Variants in GABPB1 observed in about 807,000 individuals in gnomAD.
GABPB1 encodes GA binding protein transcription factor subunit beta 1, also known as GA-binding protein subunit beta-1.
In GABPB1, 15 loss-of-function variants were observed where a neutral mutation model predicts 45.9. The ratio of observed to expected loss-of-function variants is 0.33; its 90% confidence interval spans 0.22 to 0.50. GABPB1 has a LOEUF of 0.50. GABPB1 is among the 20% of genes least tolerant of loss of function. The probability of loss-of-function intolerance (pLI) is 0.98; values close to 1 mark genes in which losing one functional copy is unlikely to be tolerated. For missense variants in GABPB1, 252 were observed against 457.5 expected, an observed-to-expected ratio of 0.55 and a Z score of 4.10; for synonymous variants, 143 against 154.4, an observed-to-expected ratio of 0.93 and a Z score of 0.55.
intron 1 of GABPB1, among the ~76,000 whole-genome samples, chr15:50,323,171 G>A (rs868606109): frequency 3.3e-5 from 5 of 152,222 alleles, no homozygotes; most frequent in African/African-American, 1.2e-4. Context: ...AGGAGTTTGA[G>A]ACTGTACTGC....
intron 1 of GABPB1, among the ~76,000 whole-genome samples, chr15:50,313,209 TA>T (rs1330478247): frequency 1.3e-5 from 2 of 152,146 alleles, no homozygotes; most frequent in Non-Finnish European, 2.9e-5. Context: ...CATCAATAGT[TA>T]AAAGACAGGA....
chr15:50,310,670 G>A (rs765613157), intron 1 of GABPB1, among the ~76,000 whole-genome samples: 20 of 152,152 alleles, frequency 1.3e-4, no homozygotes, highest in Non-Finnish European at 2.1e-4. Flanking sequence ...ATAGTATTAC[G>A]AATAGACTGT....
chr15:50,280,280 G>C (rs35033384), intron 8 of GABPB1, among the ~76,000 whole-genome samples: 1 of 151,994 alleles, frequency 6.6e-6, no homozygotes, highest in Non-Finnish European at 1.5e-5. Context: ...GAACAAGTCA[G>C]AAAAGACAAC....
Position 50,276,502 on chromosome 15 carries a change from A to G in GABPB1, c.*2130T>C, listed in dbSNP as rs886200328. The G allele has an allele frequency of 6.6e-6, 1 of 152,248 alleles. No individual in the cohort carries two copies. Among genetic ancestry groups the G allele is most frequent in the African/African-American group, 2.4e-5 (1 of 41,480 alleles). 9.4% of individuals were successfully genotyped at this position (152,248 alleles called of 1,614,324 possible). ...ATACCTGAGTACCTGATGCTATCATAGACTTACTCCTTTTAAGCACCAATT... is the reference window on the plus strand; with the variant it reads ...ATACCTGAGTACCTGATGCTATCATGGACTTACTCCTTTTAAGCACCAATT... On this transcript the variant is annotated 3_prime_UTR_variant, in exon 9 of 9. Coordinates refer to ENST00000380877, the MANE Select transcript of GABPB1 (RefSeq NM_016654.5).
chr15:50,338,811 C>A (rs546769225), intron 1 of GABPB1, among the ~76,000 whole-genome samples: 1 of 152,186 alleles, frequency 6.6e-6, no homozygotes, highest in African/African-American at 2.4e-5. Context: ...CTATCTACCA[C>A]GATCACTTCC....
chr15:50,320,467 C>T (rs990645785), intron 1 of GABPB1, among the ~76,000 whole-genome samples: 1 of 152,220 alleles, frequency 6.6e-6, no homozygotes, highest in African/African-American at 2.4e-5. Context: ...CACTCAAAGG[C>T]AATCCTCTTG....
intron 1 of GABPB1, among the ~76,000 whole-genome samples, chr15:50,338,135 G>A (rs2048212809): frequency 6.6e-6 from 1 of 152,156 alleles, no homozygotes; most frequent in Admixed American, 6.5e-5. Flanking sequence ...TGCCTCCCAG[G>A]TTCAAGTGAT....
rs149818713 is a variant in GABPB1, at chr15:50,276,152, C to G, written c.*2480G>C. ...AACAATTAACCAGTGATGTGGCAAC[C>G]AGATGACTGCTAACTACAAATCCAT... On this transcript the variant is annotated 3_prime_UTR_variant, in exon 9 of 9. Transcript: ENST00000380877. 2.6e-5 allele frequency: 4 copies of G among 152,304 alleles called. No individual in the cohort carries two copies. Among genetic ancestry groups the G allele is most frequent in the African/African-American group, 9.6e-5 (4 of 41,570 alleles). The allele number at this position is 152,304 out of a possible 1,614,324, so 9.4% of individuals were successfully genotyped here. A position where few individuals can be genotyped will look rare whatever the true frequency, so the allele number is the denominator to read the frequency against.
chr15:50,309,928 T>G (rs2141050040), intron 1 of GABPB1, 130 bp from the exon 2 acceptor site: 1 of 538,790 alleles, frequency 1.9e-6, no homozygotes, highest in Non-Finnish European at 3.3e-6. Context: ...CTATGGTTAA[T>G]TTAAAATTAC....
rs2047067699 is a variant in GABPB1 at position 50,309,761 on chromosome 15, G to A, written c.38C>T (p.Ala13Val). The change falls in exon 2 of 9, where the codon GCG becomes GTG. Residue 13 changes from alanine to valine, a missense_variant. Physicochemically the swap from Ala to Val is moderately conservative, Grantham distance 64. Around this residue, in one of 4 missense-constraint regions of GABPB1, gnomAD observed 35 missense variants for 143.7 expected, o/e 0.24. Coordinates refer to ENST00000380877, the MANE Select transcript of GABPB1 (RefSeq NM_016654.5). ...LVDLGKKLLEAARAGQDDEVR... is the reference protein window; with the variant it reads ...LVDLGKKLLEVARAGQDDEVR... ...TTCATCATCTTGACCTGCTCGTGCC[G>A]CTTCTAAAAGCTTCTTTCCCAAATC... 5.0e-6 allele frequency: 8 copies of A among 1,612,972 alleles called. No homozygotes were observed. Among genetic ancestry groups the A allele is most frequent in the East Asian group, 2.2e-5 (1 of 44,834 alleles).
At chr15:50,308,181 C>A (rs1370021877) in intron 2 of GABPB1, among the ~76,000 whole-genome samples, 3 of 152,092 alleles carry the variant, frequency 2.0e-5, no homozygotes, top group African/African-American at 7.2e-5. Flanking sequence ...GCTCACTTTC[C>A]TTTGAATTTC....
At chr15:50,348,442 C>A (rs1488446427) in intron 1 of GABPB1, among the ~76,000 whole-genome samples, 1 of 151,920 alleles carries the variant, frequency 6.6e-6, no homozygotes, top group Admixed American at 6.6e-5. Context: ...GTAGGGACGG[C>A]GTTTCACCAT....
chr15:50,284,057 C>T (rs1345921572), intron 8 of GABPB1, among the ~76,000 whole-genome samples: 1 of 152,120 alleles, frequency 6.6e-6, no homozygotes, highest in African/African-American at 2.4e-5. Context: ...GTCATGACAA[C>T]CAAATATATC....
rs535315074 is a variant in GABPB1, at chr15:50,277,178, T to G, written c.*1454A>C. ...GTGGAGAGTATAAAATATTTTCATA[T>G]GGTGGCTCAAATATGCAGTAGGATA... is the stretch of plus-strand genomic sequence containing the variant. On this transcript the variant is annotated 3_prime_UTR_variant, in exon 9 of 9. Transcript: ENST00000380877. The G allele has an allele frequency of 7.9e-5, 12 of 152,280 alleles. No individual in the cohort carries two copies. In the South Asian group the frequency reaches 2.5e-3, roughly 32 times the overall value. The allele number at this position is 152,280 out of a possible 1,614,324, so 9.4% of individuals were successfully genotyped here.
intron 4 of GABPB1, 74 bp downstream of exon 4, chr15:50,302,855 G>A (rs2046807381): frequency 8.2e-6 from 8 of 972,800 alleles, no homozygotes; most frequent in South Asian, 6.2e-5. Context: ...TTTAAATCAT[G>A]CACAATATAA....
chr15:50,319,839 A>AAAATAAAT (rs3076983), intron 1 of GABPB1, among the ~76,000 whole-genome samples: 51 of 151,212 alleles, frequency 3.4e-4, no homozygotes, highest in Non-Finnish European at 6.5e-4. Context: ...CTCCGTCTCA[A>AAAATAAAT]AAATAAATAA....
At chr15:50,330,897 T>C (rs1194489074) in intron 1 of GABPB1, among the ~76,000 whole-genome samples, 1 of 152,126 alleles carries the variant, frequency 6.6e-6, no homozygotes, top group Non-Finnish European at 1.5e-5. Context: ...GTGGCAGTGA[T>C]AAACGGTATG....
chr15:50,322,418 T>C (rs2047605328), intron 1 of GABPB1, among the ~76,000 whole-genome samples: 1 of 150,594 alleles, frequency 6.6e-6, no homozygotes, highest in African/African-American at 2.4e-5. Context: ...TGGTGGTGCA[T>C]GCCTGTAGTC....
intron 1 of GABPB1, chr15:50,350,488 T>A (rs555549153): frequency 2.6e-5 from 4 of 151,244 alleles, no homozygotes; most frequent in Middle Eastern, 3.4e-3. Flanking sequence ...CAAATTACAG[T>A]GTGGTTTAAA....
Sources: gnomAD v4.1 joint callset for allele counts (sites outside exome capture counted in the v4.1 genomes callset) on GRCh38, gnomAD v4.1.1 for gene constraint, gnomAD v4.1.1 regional missense constraint, MANE v1.5 for transcripts, NCBI Gene and HGNC (gene_info 2026-07-23, HGNC 2026-07-21) for gene names.